The following ZMAT4 variants were observed in gnomAD, a reference collection of about 807,000 sequenced individuals.
ZMAT4 encodes the protein zinc finger matrin-type protein 4.
In ZMAT4, 17 loss-of-function variants were observed where a neutral mutation model predicts 28.7. That is an observed-to-expected ratio of 0.59 (90% CI 0.41 to 0.89). The LOEUF (loss-of-function observed/expected upper bound fraction) is 0.89. Among genes scored for constraint, ZMAT4 ranks in the 40% least tolerant of loss-of-function variants. The pLI, the probability that ZMAT4 is intolerant of heterozygous loss-of-function variation, is 0.00. For synonymous variants in ZMAT4, 117 were observed against 109.2 expected, an observed-to-expected ratio of 1.07 and a Z score of -0.44; for missense variants, 240 against 283.8, an observed-to-expected ratio of 0.85 and a Z score of 1.11.
At chr8:40,835,295 T>A (rs996166318) in intron 1 of ZMAT4, among the ~76,000 whole-genome samples, 1 of 151,156 alleles carries the variant, frequency 6.6e-6, no homozygotes, top group African/African-American at 2.4e-5. Context: ...TATGAGGGAA[T>A]AAAACATGCT....
intron 2 of ZMAT4, among the ~76,000 whole-genome samples, chr8:40,801,149 C>T (rs55968067): frequency 0.13 from 20,377 of 150,986 alleles, 1,928 homozygotes; most frequent in East Asian, 0.34. Context: ...TTAAAAGACA[C>T]GATCTGACAA....
chr8:40,762,627 G>T (rs913385516), intron 3 of ZMAT4, among the ~76,000 whole-genome samples: 2 of 152,010 alleles, frequency 1.3e-5, no homozygotes, highest in African/African-American at 4.8e-5. Context: ...CTGCATTCCA[G>T]CCTGGGAAAC....
At chr8:40,589,975 T>TCCCTTCCTC (rs1563354181) in intron 5 of ZMAT4, among the ~76,000 whole-genome samples, 1 of 17,034 alleles carries the variant, frequency 5.9e-5, no homozygotes, top group Non-Finnish European at 9.9e-5. Context: ...CTCCCTCCCT[T>TCCCTTCCTC]CCTTCCTTCC....
chr8:40,819,052 C>T (rs947311824), intron 2 of ZMAT4, among the ~76,000 whole-genome samples: 3 of 152,188 alleles, frequency 2.0e-5, no homozygotes, highest in Non-Finnish European at 4.4e-5. Flanking sequence ...GCCCTTCCAG[C>T]TATTCCCCTG....
chr8:40,749,123 C>T (rs1812358559), intron 3 of ZMAT4, among the ~76,000 whole-genome samples: 1 of 152,132 alleles, frequency 6.6e-6, no homozygotes, highest in Non-Finnish European at 1.5e-5. Flanking sequence ...CCATATAGAA[C>T]TGTGAGTCCA....
intron 3 of ZMAT4, among the ~76,000 whole-genome samples, chr8:40,713,978 C>G (rs1585924477): frequency 7.2e-6 from 1 of 139,722 alleles, no homozygotes; most frequent in Non-Finnish European, 1.6e-5. Context: ...AAGAAATATA[C>G]ATATCCAATT....
intron 2 of ZMAT4, among the ~76,000 whole-genome samples, chr8:40,783,017 G>T (rs146955155): frequency 6.6e-6 from 1 of 152,346 alleles, no homozygotes; most frequent in African/African-American, 2.4e-5. Flanking sequence ...AGTTCATGAA[G>T]AAGTGAGAGT....
intron 2 of ZMAT4, among the ~76,000 whole-genome samples, chr8:40,787,274 C>A (rs1018151546): frequency 6.6e-6 from 1 of 152,156 alleles, no homozygotes; most frequent in Non-Finnish European, 1.5e-5. Context: ...GTTCCCAGAC[C>A]CGCAGTGGGT....
intron 4 of ZMAT4, among the ~76,000 whole-genome samples, chr8:40,688,549 G>A (rs1202154090): frequency 6.6e-6 from 1 of 152,096 alleles, no homozygotes; most frequent in African/African-American, 2.4e-5. Context: ...ACCTCAAGAT[G>A]GCCAAAATAC....
rs907092108 is a variant in ZMAT4, at chr8:40,780,893, C to T, written c.103-13163G>A. On this transcript the variant is annotated intron_variant, in intron 2 of 6. Transcript: ENST00000297737. Reference sequence around the variant, plus strand: ...TAGGAATAGCAATGAAGTTTCCCAACCTGATAGGGCCATCTGTGAAAAACC... The same window carrying T: ...TAGGAATAGCAATGAAGTTTCCCAATCTGATAGGGCCATCTGTGAAAAACC... Among the ~76,000 whole-genome samples the T allele has an allele frequency of 1.4e-4, 22 of 152,174 alleles. 2 individuals carry two copies. Among genetic ancestry groups the T allele is most frequent in the Non-Finnish European group, 1.5e-5 (1 of 68,028 alleles).
rs142443016 is a variant in ZMAT4 at position 40,892,541 on chromosome 8, A to G, written c.-5+5142T>C. Reference sequence around the variant, plus strand: ...GTGTTCCTGTCTTTGCCATTTGATTACAGAGAAATTAGGAGCCTAGAGAAA... The same window carrying G: ...GTGTTCCTGTCTTTGCCATTTGATTGCAGAGAAATTAGGAGCCTAGAGAAA... On this transcript the variant is annotated intron_variant, in intron 1 of 6. Transcript: ENST00000297737. Among the ~76,000 whole-genome samples, 395 of 152,368 alleles carry G rather than the reference A, an allele frequency of 2.6e-3. 2 individuals are homozygous for G. The highest frequency in any genetic ancestry group is 8.9e-3 in the African/African-American group (369 of 41,584).
chr8:40,800,229 C>T (rs1309134675), intron 2 of ZMAT4, among the ~76,000 whole-genome samples: 1 of 152,108 alleles, frequency 6.6e-6, no homozygotes, highest in Non-Finnish European at 1.5e-5. Flanking sequence ...AATAACAAGG[C>T]GTCAAAACAC....
intron 2 of ZMAT4, among the ~76,000 whole-genome samples, chr8:40,794,816 G>C (rs529865922): frequency 6.6e-6 from 1 of 151,756 alleles, no homozygotes; most frequent in Non-Finnish European, 1.5e-5. Context: ...AGCTGTCATC[G>C]TCAAGGGGTT....
At chr8:40,698,476 C>T (rs781759120) in intron 3 of ZMAT4, among the ~76,000 whole-genome samples, 4 of 151,982 alleles carry the variant, frequency 2.6e-5, no homozygotes, top group African/African-American at 7.3e-5. Flanking sequence ...CAGCAATAGC[C>T]GAACATCTCT....
chr8:40,820,867 GTTTA>G (rs1815781078), intron 2 of ZMAT4, among the ~76,000 whole-genome samples: 1 of 124,932 alleles, frequency 8.0e-6, no homozygotes, highest in Non-Finnish European at 1.8e-5. Context: ...GTGTTTGTGT[GTTTA>G]TGTGTGCATG....
intron 5 of ZMAT4, among the ~76,000 whole-genome samples, chr8:40,637,357 G>A (rs144519955): frequency 6.6e-6 from 1 of 152,200 alleles, no homozygotes; most frequent in Non-Finnish European, 1.5e-5. Context: ...ATTATTGACA[G>A]TGAGGCTGAC....
At position 40,562,954 on chromosome 8, in the gene ZMAT4, T is replaced by C. The variant is rs186440580; in HGVS notation, c.674+18211A>G. On this transcript the variant is annotated intron_variant, in intron 6 of 6. Coordinates refer to ENST00000297737, the MANE Select transcript of ZMAT4 (RefSeq NM_024645.3). ...CACATGTGTGCAGTGTAAACATATG[T>C]GTGTTTATTCCTCAAGTTCCTCTTA... Among the ~76,000 whole-genome samples, 11 of 152,298 alleles carry C rather than the reference T, an allele frequency of 7.2e-5. No individual in the cohort carries two copies. In the East Asian group the frequency reaches 2.1e-3, roughly 30 times the overall value.
chr8:40,800,528 A>G (rs1646865726), intron 2 of ZMAT4, among the ~76,000 whole-genome samples: 1 of 152,180 alleles, frequency 6.6e-6, no homozygotes, highest in African/African-American at 2.4e-5. Flanking sequence ...TAAAAATCAT[A>G]ATAGAAATAA....
intron 2 of ZMAT4, among the ~76,000 whole-genome samples, chr8:40,801,310 C>G (rs986026443): frequency 6.9e-6 from 1 of 144,436 alleles, no homozygotes; most frequent in Admixed American, 7.0e-5. Flanking sequence ...TATACCAATT[C>G]TCTATGGTGT....
Sources: gnomAD v4.1 joint callset for allele counts (sites outside exome capture counted in the v4.1 genomes callset) on GRCh38, gnomAD v4.1.1 for gene constraint, MANE v1.5 for transcripts, NCBI Gene and HGNC (gene_info 2026-07-23, HGNC 2026-07-21) for gene names.